The following STS variants were observed in gnomAD, a reference collection of about 807,000 sequenced individuals.
The protein encoded by STS is steryl-sulfatase.
In STS, 7 loss-of-function variants were observed where a neutral mutation model predicts 26.8. The ratio of observed to expected loss-of-function variants is 0.26; its 90% CI spans 0.15 to 0.49. The LOEUF is 0.49. Ranked by LOEUF, STS falls within the 20% of genes least tolerant of loss-of-function variation. The probability of loss-of-function intolerance (pLI) is 0.98; values close to 1 mark genes in which losing one functional copy is unlikely to be tolerated. For synonymous variants in STS, 199 were observed against 189.4 expected, an observed-to-expected ratio of 1.05 and a Z score of -0.42; for missense variants, 434 against 465.6, an observed-to-expected ratio of 0.93 and a Z score of 0.63.
intron 8 of STS, 87 bp from the exon 9 acceptor site, chrX:7,325,252 A>G (rs183322708): frequency 9.9e-7 from 1 of 1,008,891 alleles, no homozygotes; most frequent in African/African-American, 1.9e-5. Flanking sequence ...TGGTTCTTCT[A>G]CATTGAGCAC....
At chrX:7,235,982 A>G (rs1485544631) in intron 2 of STS, among the ~76,000 whole-genome samples, 1 of 112,047 alleles carries the variant, frequency 8.9e-6, no homozygotes, top group East Asian at 2.8e-4. Flanking sequence ...TTTCTACAAT[A>G]TATATTTATT....
intron 1 of STS, among the ~76,000 whole-genome samples, chrX:7,173,598 A>G (rs2146999824): frequency 8.9e-6 from 1 of 112,163 alleles, no homozygotes; most frequent in East Asian, 2.8e-4. Context: ...CCTTGCCAGC[A>G]TCTGTTGTTT....
intron 7 of STS, among the ~76,000 whole-genome samples, chrX:7,280,266 T>C (rs1924796870): frequency 9.0e-6 from 1 of 111,434 alleles, no homozygotes; most frequent in Admixed American, 9.5e-5. Context: ...TAAGATTCTT[T>C]CAGGAGATCC....
intron 10 of STS, among the ~76,000 whole-genome samples, chrX:7,347,722 T>G (rs753554868): frequency 2.6e-4 from 29 of 111,862 alleles, no homozygotes; most frequent in African/African-American, 9.1e-4. Flanking sequence ...TAGATTTGCA[T>G]CATTGGGAGC....
At chrX:7,329,290 T>G (rs1183164800) in intron 9 of STS, among the ~76,000 whole-genome samples, 4 of 112,194 alleles carry the variant, frequency 3.6e-5, no homozygotes, top group African/African-American at 1.3e-4. Flanking sequence ...TTTATTGTCT[T>G]GGCTCAGGGT....
intron 6 of STS, among the ~76,000 whole-genome samples, chrX:7,274,416 C>T (rs1924430913): frequency 1.8e-5 from 2 of 111,631 alleles, no homozygotes; most frequent in Admixed American, 9.5e-5. Flanking sequence ...TCAAAAAGGC[C>T]TCTCACCCAG....
chrX:7,338,728 G>C (rs1928147619), intron 10 of STS, among the ~76,000 whole-genome samples: 1 of 111,514 alleles, frequency 9.0e-6, no homozygotes, highest in African/African-American at 3.3e-5. Context: ...GACAATACTA[G>C]GAACATTTGA....
intron 2 of STS, among the ~76,000 whole-genome samples, chrX:7,227,337 T>C (rs1921855463): frequency 9.0e-6 from 1 of 111,578 alleles, no homozygotes; most frequent in African/African-American, 3.3e-5. Context: ...CTTCACTTGA[T>C]GATAAATTAG....
At chrX:7,251,176 T>C (rs760593018) in intron 2 of STS, among the ~76,000 whole-genome samples, 5 of 111,816 alleles carry the variant, frequency 4.5e-5, no homozygotes, top group Non-Finnish European at 9.4e-5. Flanking sequence ...CCCAGGCCAT[T>C]TCCCATCCCC....
intron 7 of STS, among the ~76,000 whole-genome samples, chrX:7,286,669 C>A (rs886523348): frequency 9.0e-6 from 1 of 111,672 alleles, no homozygotes; most frequent in Non-Finnish European, 1.9e-5. Context: ...ATGACTAATA[C>A]AAACCCACTT....
intron 2 of STS, among the ~76,000 whole-genome samples, chrX:7,206,570 A>C (rs1601652912): frequency 8.9e-6 from 1 of 112,184 alleles, no homozygotes; most frequent in East Asian, 2.8e-4. Context: ...AAAAATGGCT[A>C]TTTCAAATGA....
chrX:7,307,105 A>T (rs1228122605), intron 8 of STS, among the ~76,000 whole-genome samples: 1 of 111,364 alleles, frequency 9.0e-6, no homozygotes, highest in Admixed American at 9.6e-5. Flanking sequence ...GTGCATCTGG[A>T]CAACCTTCAT....
intron 1 of STS, among the ~76,000 whole-genome samples, chrX:7,178,247 GT>G: frequency 8.9e-6 from 1 of 112,502 alleles, no homozygotes; most frequent in Admixed American, 9.4e-5. Context: ...ATGTGCAAAA[GT>G]TTAAAGTAAG....
At chrX:7,299,606 A>T (rs1363346260) in intron 7 of STS, among the ~76,000 whole-genome samples, 2 of 110,014 alleles carry the variant, frequency 1.8e-5, no homozygotes, top group African/African-American at 6.6e-5. Flanking sequence ...GTCTGAGTGT[A>T]CCTACCTTGT....
intron 7 of STS, among the ~76,000 whole-genome samples, chrX:7,281,752 A>C (rs1368422325): frequency 1.8e-5 from 2 of 112,296 alleles, no homozygotes; most frequent in Non-Finnish European, 3.8e-5. Flanking sequence ...AATTTTAAGT[A>C]GGGCCTGGAT....
At chrX:7,169,123 C>G (rs1473783933) in intron 1 of STS, among the ~76,000 whole-genome samples, 1 of 111,191 alleles carries the variant, frequency 9.0e-6, no homozygotes, top group Non-Finnish European at 1.9e-5. Context: ...TACCCTTTAA[C>G]AGCGATTCCA....
chrX:7,257,307 C>T lies in STS; in HGVS notation c.203C>T (p.Pro68Leu), dbSNP rs1203101451. The change falls in exon 4 of 11, where the codon CCG (proline) becomes CTG (leucine). Residue 68 changes from proline (P) to leucine (L), a missense_variant. Physicochemically the swap from Pro to Leu is moderately conservative, Grantham distance 98. Coordinates refer to ENST00000674429, the MANE Select transcript of STS (RefSeq NM_001320752.2). ...VKLTQHLAAS[P>L]LCTPSRAAFM... ...CTCACTCAGCACCTGGCAGCATCAC[C>T]GCTGTGCACACCAAGCAGGGCAGCC... The T allele has an allele frequency of 5.0e-6, 6 of 1,210,589 alleles. No homozygotes were observed. The highest frequency in any genetic ancestry group is 2.2e-6 in the Non-Finnish European group (2 of 895,235).
At chrX:7,243,034 A>G (rs1254670193) in intron 2 of STS, among the ~76,000 whole-genome samples, 1 of 112,445 alleles carries the variant, frequency 8.9e-6, no homozygotes, top group African/African-American at 3.2e-5. Flanking sequence ...AACAAGTTAC[A>G]TTTGTCTAGC....
At chrX:7,348,773 A>G (rs1291848580) in intron 10 of STS, among the ~76,000 whole-genome samples, 2 of 111,700 alleles carry the variant, frequency 1.8e-5, no homozygotes, top group Non-Finnish European at 3.8e-5. Context: ...TGGAATTCCT[A>G]GCAGCTTTTA....
Sources: allele counts gnomAD v4.1 joint callset (sites outside exome capture counted in the v4.1 genomes callset), GRCh38; gene constraint gnomAD v4.1.1; transcripts MANE v1.5; gene names NCBI Gene and HGNC (gene_info 2026-07-23, HGNC 2026-07-21).